The following ANKRD17 variants were observed in gnomAD, a reference collection of about 807,000 sequenced individuals.
The protein encoded by ANKRD17 is ankyrin repeat domain-containing protein 17.
In ANKRD17, 19 loss-of-function variants were observed where a neutral mutation model predicts 229.7. That is an observed-to-expected ratio of 0.08 (90% CI 0.06 to 0.12). The LOEUF (loss-of-function observed/expected upper bound fraction) is 0.12, where lower values mean the gene tolerates loss of function less well. Ranked by LOEUF, ANKRD17 falls within the 10% of genes least tolerant of loss-of-function variation. The pLI, the probability that ANKRD17 is intolerant of heterozygous loss-of-function variation, is 1.00. For missense variants in ANKRD17, 2,176 were observed against 3,176.8 expected (o/e 0.68, Z 7.57); for synonymous variants, 1,112 against 1,146.1 (o/e 0.97, Z 0.60).
chr4:73,232,114 C>A (rs1235785855), intron 1 of ANKRD17, among the ~76,000 whole-genome samples: 2 of 152,102 alleles, frequency 1.3e-5, no homozygotes, highest in Non-Finnish European at 2.9e-5. Context: ...TCATGAGAAC[C>A]CTGATTTATA....
At chr4:73,251,186 T>C (rs1389268269) in intron 1 of ANKRD17, among the ~76,000 whole-genome samples, 8 of 152,206 alleles carry the variant, frequency 5.3e-5, no homozygotes. Context: ...GTCTAAGTTA[T>C]GCTTTCAATA....
intron 2 of ANKRD17, among the ~76,000 whole-genome samples, chr4:73,173,757 A>G (rs754030551): frequency 1.3e-5 from 2 of 152,160 alleles, no homozygotes; most frequent in Non-Finnish European, 2.9e-5. Context: ...AGGGAGCCAC[A>G]TGAAATATAA....
chr4:73,089,243 C>G (rs1237204134), intron 29 of ANKRD17, among the ~76,000 whole-genome samples: 1 of 151,844 alleles, frequency 6.6e-6, no homozygotes, highest in East Asian at 1.9e-4. Context: ...CCCCTTAAGC[C>G]CAGGCTGGTC....
At position 73,074,627 on chromosome 4, in the gene ANKRD17, CTT is replaced by C; in HGVS notation, c.*1602_*1603del. ...TTTTACTCTTTACTCAGGCTTTACTCTTTACTCAGATGGAAGAAATCATTTGA... is the reference window on the plus strand; with the variant it reads ...TTTTACTCTTTACTCAGGCTTTACTCTACTCAGATGGAAGAAATCATTTGA... On this transcript the variant is annotated 3_prime_UTR_variant, in exon 34 of 34. Coordinates refer to ENST00000358602, the MANE Select transcript of ANKRD17 (RefSeq NM_032217.5). 1 of 151,958 alleles carries C rather than the reference CTT, an allele frequency of 6.6e-6. No individual in the cohort carries two copies. The highest frequency in any genetic ancestry group is 1.5e-5 in the Non-Finnish European group (1 of 67,814). 9.4% of individuals were successfully genotyped at this position (151,958 alleles called of 1,614,324 possible).
chr4:73,223,150 G>A, intron 1 of ANKRD17: 1 of 1,036,482 alleles, frequency 9.6e-7, no homozygotes, highest in Non-Finnish European at 1.4e-6. Flanking sequence ...AAGCAGCTTA[G>A]CTGTTCACTA....
intron 25 of ANKRD17, chr4:73,101,129 G>T: frequency 1.2e-6 from 1 of 853,990 alleles, no homozygotes; most frequent in Non-Finnish European, 1.4e-6. Flanking sequence ...ATAAAGACTT[G>T]AGTATCTGAA....
intron 1 of ANKRD17, among the ~76,000 whole-genome samples, chr4:73,244,993 G>A (rs1744363660): frequency 6.6e-6 from 1 of 152,046 alleles, no homozygotes; most frequent in South Asian, 2.1e-4. Flanking sequence ...CACCTATAAA[G>A]CAGTTTGCAA....
intron 23 of ANKRD17, 35 bp downstream of exon 23, chr4:73,115,786 A>G (rs1311192129): frequency 1.3e-6 from 2 of 1,497,852 alleles, no homozygotes; most frequent in Non-Finnish European, 1.8e-6. Flanking sequence ...TTAACCGAAT[A>G]GAGTCCCTTG....
chr4:73,201,744 G>T (rs1738705804), intron 1 of ANKRD17, among the ~76,000 whole-genome samples: 1 of 152,146 alleles, frequency 6.6e-6, no homozygotes, highest in South Asian at 2.1e-4. Flanking sequence ...GGAATAACCT[G>T]AAACAGTTTA....
intron 5 of ANKRD17, among the ~76,000 whole-genome samples, chr4:73,154,606 C>T (rs1225021580): frequency 6.6e-6 from 1 of 152,038 alleles, no homozygotes; most frequent in Non-Finnish European, 1.5e-5. Flanking sequence ...ATTCAAATTT[C>T]TAAATTTGAA....
intron 1 of ANKRD17, among the ~76,000 whole-genome samples, chr4:73,179,488 GTATATATATATATATATA>G (rs1169079744): frequency 6.2e-5 from 3 of 48,240 alleles, no homozygotes; most frequent in Admixed American, 3.7e-4. Context: ...GTGTGTGTGT[GTATATATATATATATATA>G]TATATATATA....
chr4:73,102,301 G>T, intron 25 of ANKRD17, 75 bp downstream of exon 25: 1 of 1,438,420 alleles, frequency 7.0e-7, no homozygotes. Flanking sequence ...ATATTTTCAA[G>T]AGTGACTGAT....
Position 73,177,446 on chromosome 4 carries a change from C to T in ANKRD17, c.481G>A (p.Gly161Ser), listed in dbSNP as rs374429088. The T allele has an allele frequency of 7.4e-6, 12 of 1,613,664 alleles. No individual in the cohort carries two copies. The highest frequency in any genetic ancestry group is 1.3e-5 in the African/African-American group (1 of 74,992). Reference sequence around the variant, plus strand: ...GGATCTACTGTCCTGAGGTCTGCACCATCAGCAGTACCTGATAAGAGCAAC... The same window carrying T: ...GGATCTACTGTCCTGAGGTCTGCACTATCAGCAGTACCTGATAAGAGCAAC... The part of the protein sequence containing the change: ...SKLLLSGTAD[G>S]ADLRTVDPET... Residue 161 changes from glycine to serine, a missense_variant, in exon 2 of 34, where the codon GGT (glycine) becomes AGT (serine). Transcript: ENST00000358602.
chr4:73,223,274 C>T (rs1742098865), intron 1 of ANKRD17, among the ~76,000 whole-genome samples: 1 of 152,132 alleles, frequency 6.6e-6, no homozygotes, highest in South Asian at 2.1e-4. Flanking sequence ...AAAATAAAGT[C>T]TCTTATTTTA....
At chr4:73,220,723 A>C (rs115190935) in intron 1 of ANKRD17, among the ~76,000 whole-genome samples, 164 of 152,262 alleles carry the variant, frequency 1.1e-3, no homozygotes, top group African/African-American at 3.7e-3. Flanking sequence ...TATTTATTCA[A>C]TGCAAATAAG....
intron 1 of ANKRD17, among the ~76,000 whole-genome samples, chr4:73,248,377 G>A (rs1371885760): frequency 6.6e-6 from 1 of 151,900 alleles, no homozygotes. Context: ...AATGAACATA[G>A]ATGCCCCAAA....
At chr4:73,177,344 T>C in intron 2 of ANKRD17, 36 bp downstream of exon 2, 1 of 1,448,496 alleles carries the variant, frequency 6.9e-7, no homozygotes, top group Non-Finnish European at 9.2e-7. Flanking sequence ...CAACTTTACA[T>C]AACAAGGTAG....
At position 73,093,441 on chromosome 4, in the gene ANKRD17, G is replaced by A. The variant is rs538741616; in HGVS notation, c.5327+638C>T. 7.4e-5 allele frequency among the ~76,000 whole-genome samples: 10 copies of A among 135,524 alleles called. No homozygotes were observed. The East Asian group carries it at 1.3e-3, about 18-fold the overall frequency. The allele number at this position is 135,524 out of a possible 152,430, so 88.9% of individuals were successfully genotyped here. On this transcript the variant is annotated intron_variant, in intron 28 of 33. Coordinates refer to ENST00000358602, the MANE Select transcript of ANKRD17 (RefSeq NM_032217.5). ...TGCCCAGGCTGGAGTCCAATGGCTC[G>A]ATCTCGGCTCACCGCAACCTCTGCC...
At chr4:73,169,838 GC>G (rs1733738432) in intron 2 of ANKRD17, among the ~76,000 whole-genome samples, 1 of 152,198 alleles carries the variant, frequency 6.6e-6, no homozygotes, top group Non-Finnish European at 1.5e-5. Flanking sequence ...GCAGAAACAG[GC>G]TGAACTCAGC....
Sources: allele counts gnomAD v4.1 joint callset (sites outside exome capture counted in the v4.1 genomes callset), GRCh38; gene constraint gnomAD v4.1.1; transcripts MANE v1.5; gene names NCBI Gene and HGNC (gene_info 2026-07-23, HGNC 2026-07-21).